Variants in WDR41 observed in about 807,000 individuals in gnomAD.
WDR41 encodes the protein WD repeat-containing protein 41.
WDR41 carries 63 observed loss-of-function variants against 69.3 expected under a neutral mutation model. The ratio of observed to expected loss-of-function variants is 0.91; its 90% CI spans 0.74 to 1.12. The LOEUF (loss-of-function observed/expected upper bound fraction) is 1.12, where lower values mean the gene tolerates loss of function less well. WDR41 is among the 50% of genes most tolerant of loss of function. WDR41 has a pLI of 0.00. For missense variants in WDR41, 543 were observed against 534.5 expected (o/e 1.02, Z -0.16); for synonymous variants, 185 against 192.1 (o/e 0.96, Z 0.31).
At chr5:77,587,558 A>C (rs1054822551) in intron 1 of WDR41, among the ~76,000 whole-genome samples, 4 of 152,134 alleles carry the variant, frequency 2.6e-5, no homozygotes, top group African/African-American at 9.7e-5. Flanking sequence ...GTGTATATGA[A>C]GTGTTATCTT....
chr5:77,447,490 A>G (rs780537652), intron 8 of WDR41, among the ~76,000 whole-genome samples: 1 of 152,232 alleles, frequency 6.6e-6, no homozygotes, highest in Non-Finnish European at 1.5e-5. Flanking sequence ...ATCACTATTT[A>G]CAAGAACAAA....
intron 1 of WDR41, among the ~76,000 whole-genome samples, chr5:77,551,743 C>T (rs1042614093): frequency 1.3e-4 from 20 of 149,786 alleles, no homozygotes; most frequent in East Asian, 6.0e-4. Flanking sequence ...TTTGGGAGGC[C>T]GAGGTGGGTG....
intron 10 of WDR41, among the ~76,000 whole-genome samples, chr5:77,437,950 A>G (rs41272258): frequency 0.018 from 2,753 of 152,346 alleles, 35 homozygotes; most frequent in Middle Eastern, 0.061. Context: ...AAATTGGTAC[A>G]ATGTAAGTGG....
At chr5:77,604,338 A>G (rs1744376231) in intron 1 of WDR41, among the ~76,000 whole-genome samples, 1 of 152,060 alleles carries the variant, frequency 6.6e-6, no homozygotes, top group South Asian at 2.1e-4. Context: ...GTTTTTAGCT[A>G]CTGTAAATGG....
chr5:77,543,030 G>C (rs1743120995), intron 1 of WDR41, among the ~76,000 whole-genome samples: 1 of 152,112 alleles, frequency 6.6e-6, no homozygotes, highest in Non-Finnish European at 1.5e-5. Flanking sequence ...AGACTTGCTG[G>C]ATGGCTAGAT....
chr5:77,461,232 C>CTAG (rs977859956), intron 4 of WDR41, among the ~76,000 whole-genome samples: 2 of 152,184 alleles, frequency 1.3e-5, no homozygotes, highest in Non-Finnish European at 2.9e-5. Context: ...TCTGACCTAA[C>CTAG]CATCTGAGAG....
In WDR41 at chr5:77,462,599, T is replaced by C. The variant is rs73764880; in HGVS notation, c.348+496A>G. ...AAAAGTAATTTTACTTTTATAAAATTGTTTTTAATTATTAAATATTACACA... is the reference window on the plus strand; with the variant it reads ...AAAAGTAATTTTACTTTTATAAAATCGTTTTTAATTATTAAATATTACACA... On this transcript the variant is annotated intron_variant, in intron 4 of 12. Coordinates refer to ENST00000296679, the MANE Select transcript of WDR41 (RefSeq NM_018268.4). Among the ~76,000 whole-genome samples, 1,213 of 152,250 alleles carry C rather than the reference T, an allele frequency of 8.0e-3. 19 individuals carry two copies. Among genetic ancestry groups the C allele is most frequent in the African/African-American group, 0.028 (1,155 of 41,544 alleles).
intron 1 of WDR41, among the ~76,000 whole-genome samples, chr5:77,561,472 A>G (rs546730020): frequency 5.9e-5 from 9 of 152,060 alleles, no homozygotes; most frequent in African/African-American, 1.9e-4. Flanking sequence ...TTTAAGTGGG[A>G]AGTAAAAAGG....
At chr5:77,508,550 A>G (rs1802149375) in intron 1 of WDR41, among the ~76,000 whole-genome samples, 2 of 152,136 alleles carry the variant, frequency 1.3e-5, no homozygotes, top group African/African-American at 4.8e-5. Context: ...TTTTTCATCT[A>G]TTAAATCCAA....
rs1328612900 is a variant in WDR41 at position 77,431,431 on chromosome 5, C to T, written c.*1704G>A. The stretch of plus-strand genomic sequence containing the variant: ...TAGAAATTTAAGACTGTAGTATAAA[C>T]ACAAGTTTTATAGGCACTGGGAAAC... On this transcript the variant is annotated 3_prime_UTR_variant, in exon 13 of 13. Coordinates refer to ENST00000296679, the MANE Select transcript of WDR41 (RefSeq NM_018268.4). 6.6e-6 allele frequency: 1 copy of T among 152,150 alleles called. No homozygotes were observed. The highest frequency in any genetic ancestry group is 1.5e-5 in the Non-Finnish European group (1 of 68,024). The allele number at this position is 152,150 out of a possible 1,614,324, so 9.4% of individuals were successfully genotyped here. A position where few individuals can be genotyped will look rare whatever the true frequency, so the allele number is the denominator to read the frequency against.
chr5:77,600,090 T>G (rs1411397815), intron 1 of WDR41, among the ~76,000 whole-genome samples: 3 of 152,294 alleles, frequency 2.0e-5, no homozygotes, highest in Non-Finnish European at 2.9e-5. Flanking sequence ...TAAAGAAAAT[T>G]TAAAACCCCT....
At chr5:77,496,800 C>T (rs1029874147), upstream of WDR41, among the ~76,000 whole-genome samples, 1 of 151,916 alleles carries the variant, frequency 6.6e-6, no homozygotes, top group Non-Finnish European at 1.5e-5. Flanking sequence ...CCCAAATAGC[C>T]AAAATAATCT....
chr5:77,616,682 A>G (rs893100364), intron 1 of WDR41, among the ~76,000 whole-genome samples: 2 of 152,098 alleles, frequency 1.3e-5, no homozygotes, highest in Admixed American at 1.3e-4. Flanking sequence ...TCCCTCATAT[A>G]CCTACTCTAA....
chr5:77,616,830 G>C (rs985083137), intron 1 of WDR41, among the ~76,000 whole-genome samples: 1 of 152,154 alleles, frequency 6.6e-6, no homozygotes, highest in African/African-American at 2.4e-5. Flanking sequence ...AGAAATATCA[G>C]ACCTAAACTA....
At chr5:77,502,866 G>A (rs949789174) in intron 1 of WDR41, among the ~76,000 whole-genome samples, 1 of 152,100 alleles carries the variant, frequency 6.6e-6, no homozygotes, top group Non-Finnish European at 1.5e-5. Context: ...CCTGAAGGAA[G>A]CACTAAACAT....
intron 12 of WDR41, among the ~76,000 whole-genome samples, chr5:77,433,632 A>G (rs1424859553): frequency 3.3e-5 from 5 of 152,204 alleles, no homozygotes. Flanking sequence ...TCTGAATTCT[A>G]AATTTCCCAA....
chr5:77,455,259 T>C (rs1799780737), intron 5 of WDR41, among the ~76,000 whole-genome samples: 1 of 152,248 alleles, frequency 6.6e-6, no homozygotes, highest in Non-Finnish European at 1.5e-5. Context: ...TTTCATGTGC[T>C]TATTTGCTAT....
intron 9 of WDR41, among the ~76,000 whole-genome samples, chr5:77,439,277 A>G (rs899180304): frequency 6.6e-6 from 1 of 152,150 alleles, no homozygotes; most frequent in Non-Finnish European, 1.5e-5. Context: ...GGGCTCTCCA[A>G]CCTTTCTCAC....
intron 8 of WDR41, among the ~76,000 whole-genome samples, chr5:77,443,239 G>A (rs1333688602): frequency 6.6e-6 from 1 of 152,126 alleles, no homozygotes; most frequent in African/African-American, 2.4e-5. Context: ...GCCCCTGGTA[G>A]TATTTTGAGC....
Sources: gnomAD v4.1 joint callset for allele counts (sites outside exome capture counted in the v4.1 genomes callset) on GRCh38, gnomAD v4.1.1 for gene constraint, MANE v1.5 for transcripts, NCBI Gene and HGNC (gene_info 2026-07-23, HGNC 2026-07-21) for gene names.